NFIB: variants seen among roughly 807,000 people sequenced by gnomAD.
NFIB encodes nuclear factor 1 B-type.
In NFIB, 11 loss-of-function variants were observed where a neutral mutation model predicts 61.5. The ratio of observed to expected loss-of-function variants is 0.18; its 90% CI spans 0.11 to 0.30. The LOEUF (loss-of-function observed/expected upper bound fraction) is 0.30, where lower values mean the gene tolerates loss of function less well. NFIB is among the 10% of genes least tolerant of loss of function. The probability of loss-of-function intolerance (pLI) is 1.00; values close to 1 mark genes in which losing one functional copy is unlikely to be tolerated. For synonymous variants in NFIB, 260 were observed against 216.5 expected, an observed-to-expected ratio of 1.20 and a Z score of -1.76; for missense variants, 471 against 608.9, an observed-to-expected ratio of 0.77 and a Z score of 2.38.
intron 2 of NFIB, among the ~76,000 whole-genome samples, chr9:14,240,584 C>A (rs2054250488): frequency 6.6e-6 from 1 of 152,180 alleles, no homozygotes; most frequent in South Asian, 2.1e-4. Context: ...GTATGCGACA[C>A]AGTTTATAAA....
At chr9:14,089,107 C>T (rs879745566) in intron 10 of NFIB, among the ~76,000 whole-genome samples, 8 of 152,036 alleles carry the variant, frequency 5.3e-5, no homozygotes, top group African/African-American at 1.4e-4. Flanking sequence ...TATTCTAACC[C>T]TCTTTAACTT....
the NFIB span, among the ~76,000 whole-genome samples, chr9:14,447,030 A>G: frequency 1.3e-5 from 2 of 152,214 alleles, no homozygotes; most frequent in African/African-American, 4.8e-5. Context: ...TTTATCACAT[A>G]TGAATAAACC....
At chr9:14,384,791 TG>T (rs1242306858) in intron 1 of NFIB, among the ~76,000 whole-genome samples, 49 of 152,308 alleles carry the variant, frequency 3.2e-4, no homozygotes, top group African/African-American at 1.1e-3. Flanking sequence ...TCGTTTTGTC[TG>T]ATCAGTAGCT....
At chr9:14,434,149 C>G in the NFIB span, among the ~76,000 whole-genome samples, 4 of 152,158 alleles carry the variant, frequency 2.6e-5, no homozygotes. Flanking sequence ...CCCGTAATTT[C>G]TAATTATTTA....
At position 14,288,474 on chromosome 9, in the gene NFIB, C is replaced by T. The variant is rs569566083; in HGVS notation, c.562+18515G>A. 2.5e-4 allele frequency among the ~76,000 whole-genome samples: 38 copies of T among 152,018 alleles called. 2 individuals are homozygous for T. In the South Asian group the frequency reaches 7.9e-3, roughly 32 times the overall value. Reference sequence around the variant, plus strand: ...AAATTTGTCACCAAAACAAACATTCCCAAAACAGTATATATCAATGCCAAA... The same window carrying T: ...AAATTTGTCACCAAAACAAACATTCTCAAAACAGTATATATCAATGCCAAA... On this transcript the variant is annotated intron_variant, in intron 2 of 10. Transcript: ENST00000380953.
the NFIB span, among the ~76,000 whole-genome samples, chr9:14,477,973 T>C: frequency 2.0e-5 from 3 of 152,244 alleles, no homozygotes; most frequent in Admixed American, 2.0e-4. Flanking sequence ...CCCCCCATTC[T>C]ATGCCCTGAG....
intron 7 of NFIB, among the ~76,000 whole-genome samples, chr9:14,122,468 C>G (rs546144916): frequency 6.6e-6 from 1 of 152,268 alleles, no homozygotes; most frequent in South Asian, 2.1e-4. Flanking sequence ...TTCCTACATA[C>G]TGAAGTTTGA....
chr9:14,301,327 G>C (rs1213052208), intron 2 of NFIB, among the ~76,000 whole-genome samples: 1 of 152,132 alleles, frequency 6.6e-6, no homozygotes, highest in African/African-American at 2.4e-5. Context: ...CAAATATGGA[G>C]ATATTTGGAA....
intron 2 of NFIB, among the ~76,000 whole-genome samples, chr9:14,269,380 C>T (rs2057437875): frequency 6.6e-6 from 1 of 152,148 alleles, no homozygotes; most frequent in African/African-American, 2.4e-5. Flanking sequence ...GTACAAGGAT[C>T]AAACTATAAT....
At chr9:14,105,693 A>T (rs1433529963) in intron 10 of NFIB, among the ~76,000 whole-genome samples, 1 of 152,166 alleles carries the variant, frequency 6.6e-6, no homozygotes, top group Admixed American at 6.5e-5. Context: ...TTCCTAAGAA[A>T]ATCAATTTCT....
rs1039771995 is a variant in NFIB at position 14,398,710 on chromosome 9, T to A, written c.-79A>T. 1.3e-4 allele frequency: 134 copies of A among 1,013,606 alleles called. 1 individual carries two copies. In the East Asian group the frequency reaches 3.5e-3, roughly 27 times the overall value. The allele number at this position is 1,013,606 out of a possible 1,614,324, so 62.8% of individuals were successfully genotyped here. On this transcript the variant is annotated 5_prime_UTR_variant, in exon 1 of 9. Transcript: ENST00000380934. ...GCTGTTTTAGAATGTTTGCTCCAGGTCACCGAGTACCTTAGCAAACGCAGC... is the reference window on the plus strand; with the variant it reads ...GCTGTTTTAGAATGTTTGCTCCAGGACACCGAGTACCTTAGCAAACGCAGC...
the NFIB span, among the ~76,000 whole-genome samples, chr9:14,515,034 G>A: frequency 6.6e-6 from 1 of 152,164 alleles, no homozygotes; most frequent in African/African-American, 2.4e-5. Flanking sequence ...CAGTTTAGCA[G>A]AGAATTGAGA....
At chr9:14,382,345 T>TGAGA (rs111564800) in intron 1 of NFIB, among the ~76,000 whole-genome samples, 37,319 of 149,284 alleles carry the variant, frequency 0.25, 4,804 homozygotes, top group South Asian at 0.37. Flanking sequence ...CAGAAAGTGA[T>TGAGA]GAGAGAGAGA....
At chr9:14,452,847 G>C in the NFIB span, among the ~76,000 whole-genome samples, 1 of 152,240 alleles carries the variant, frequency 6.6e-6, no homozygotes, top group Non-Finnish European at 1.5e-5. Context: ...ACTGGAAGCA[G>C]GGAGGAGAAG....
At chr9:14,211,708 C>G (rs2050323581) in intron 2 of NFIB, among the ~76,000 whole-genome samples, 1 of 152,240 alleles carries the variant, frequency 6.6e-6, no homozygotes. Context: ...GCGGGGCCGT[C>G]TGAGCTGTGC....
At chr9:14,244,378 T>A (rs1329087769) in intron 2 of NFIB, among the ~76,000 whole-genome samples, 1 of 152,204 alleles carries the variant, frequency 6.6e-6, no homozygotes, top group African/African-American at 2.4e-5. Flanking sequence ...TCAGATATAT[T>A]GGAGTCACTA....
At chr9:14,382,303 C>T (rs1007413874) in intron 1 of NFIB, among the ~76,000 whole-genome samples, 2 of 151,968 alleles carry the variant, frequency 1.3e-5, no homozygotes, top group Non-Finnish European at 2.9e-5. Flanking sequence ...GAATGTGCAG[C>T]TTCTGTACAA....
the NFIB span, among the ~76,000 whole-genome samples, chr9:14,425,136 T>C: frequency 6.6e-6 from 1 of 152,260 alleles, no homozygotes; most frequent in Admixed American, 6.5e-5. Context: ...GCTCTAGGCT[T>C]CTCTATGGCG....
chr9:14,483,518 A>T, the NFIB span, among the ~76,000 whole-genome samples: 1 of 152,164 alleles, frequency 6.6e-6, no homozygotes, highest in African/African-American at 2.4e-5. Flanking sequence ...TTGGGGTCAG[A>T]CATCCTGAGT....
Sources: gnomAD v4.1 joint callset for allele counts (sites outside exome capture counted in the v4.1 genomes callset) on GRCh38, gnomAD v4.1.1 for gene constraint, MANE v1.5 for transcripts, NCBI Gene and HGNC (gene_info 2026-07-23, HGNC 2026-07-21) for gene names.